B4GALNT3: variants seen among roughly 807,000 people sequenced by gnomAD.
B4GALNT3 encodes the protein beta-1,4-N-acetylgalactosaminyltransferase 3.
In B4GALNT3, 86 loss-of-function variants were observed where a neutral mutation model predicts 120.2. The ratio of observed to expected loss-of-function variants is 0.72; its 90% confidence interval spans 0.60 to 0.86. The LOEUF is 0.86. Ranked by LOEUF, B4GALNT3 falls within the 40% of genes least tolerant of loss-of-function variation. The pLI is 0.00. For missense variants in B4GALNT3, 1,167 were observed against 1,298.9 expected, an observed-to-expected ratio of 0.90 and a Z score of 1.56; for synonymous variants, 518 against 510.4, an observed-to-expected ratio of 1.01 and a Z score of -0.20.
intron 1 of B4GALNT3, among the ~76,000 whole-genome samples, chr12:498,050 T>G (rs1377791850): frequency 1.3e-5 from 2 of 151,980 alleles, no homozygotes; most frequent in African/African-American, 4.8e-5. Context: ...TAAACAAACC[T>G]TCCTCTACTT....
chr12:515,175 T>A lies in B4GALNT3; in HGVS notation c.170-19991T>A, dbSNP rs1286190782. On this transcript the variant is annotated intron_variant, in intron 1 of 19. Transcript: ENST00000266383. ...AATAATAGTACCTACCTCAAAGGGG[T>A]TTTTTTGTTGTTGTCGTTGTTGTTG... Among the ~76,000 whole-genome samples the A allele has an allele frequency of 1.1e-4, 11 of 104,676 alleles. No individual in the cohort carries two copies. In the East Asian group the frequency reaches 1.9e-3, roughly 18 times the overall value. 68.7% of individuals were successfully genotyped at this position (104,676 alleles called of 152,430 possible). A position where few individuals can be genotyped will look rare whatever the true frequency, so the allele number is the denominator to read the frequency against.
chr12:524,486 G>A (rs1249285548), intron 1 of B4GALNT3, among the ~76,000 whole-genome samples: 5 of 152,188 alleles, frequency 3.3e-5, no homozygotes, highest in African/African-American at 7.2e-5. Flanking sequence ...GGGTGGCCGT[G>A]GCTCCTGGCT....
At chr12:541,122 C>T (rs777778782) in intron 3 of B4GALNT3, among the ~76,000 whole-genome samples, 49 of 152,294 alleles carry the variant, frequency 3.2e-4, no homozygotes, top group Non-Finnish European at 2.9e-4. Context: ...GTGAGGACTC[C>T]GTGTGGGGGA....
intron 1 of B4GALNT3, among the ~76,000 whole-genome samples, chr12:493,370 C>T (rs973674306): frequency 7.2e-5 from 11 of 152,160 alleles, no homozygotes. Context: ...AATAAGATAT[C>T]ACTACACACC....
In B4GALNT3 at chr12:549,895, G is replaced by A. The variant is rs775861247; in HGVS notation, c.980G>A (p.Arg327Gln). 1.2e-6 allele frequency: 2 copies of A among 1,612,868 alleles called. No homozygotes were observed. Among genetic ancestry groups the A allele is most frequent in the South Asian group, 2.2e-5 (2 of 90,946 alleles). ...PPADMLRPDP[R>Q]DTLYRVPLIP... The stretch of plus-strand genomic sequence containing the variant: ...GCTGACATGCTTCGGCCTGACCCCC[G>A]GGACACCCTCTATCGAGGTAAGGCC... The change falls in exon 10 of 20, where the codon CGG becomes CAG. Residue 327 changes from arginine to glutamine, a missense_variant. Transcript: ENST00000266383.
intron 1 of B4GALNT3, among the ~76,000 whole-genome samples, chr12:485,718 T>C (rs1045638213): frequency 6.6e-6 from 1 of 152,236 alleles, no homozygotes; most frequent in African/African-American, 2.4e-5. Context: ...CATTTTATTA[T>C]ATATAAATTA....
intron 1 of B4GALNT3, among the ~76,000 whole-genome samples, chr12:497,481 A>G (rs751505258): frequency 1.4e-4 from 22 of 152,292 alleles, no homozygotes; most frequent in Non-Finnish European, 2.9e-4. Flanking sequence ...ATTCCATTGT[A>G]TGGATATGCC....
intron 1 of B4GALNT3, among the ~76,000 whole-genome samples, chr12:494,103 C>T (rs1721385673): frequency 6.6e-6 from 1 of 151,978 alleles, no homozygotes; most frequent in South Asian, 2.1e-4. Flanking sequence ...AACCCCATCT[C>T]TACAAAAAAT....
At chr12:502,584 A>G (rs1353788436) in intron 1 of B4GALNT3, among the ~76,000 whole-genome samples, 1 of 152,076 alleles carries the variant, frequency 6.6e-6, no homozygotes, top group African/African-American at 2.4e-5. Context: ...TGTTAAGAGA[A>G]AGACTGAGGA....
intron 11 of B4GALNT3, 54 bp downstream of exon 11, chr12:551,085 T>C: frequency 7.0e-7 from 1 of 1,425,414 alleles, no homozygotes; most frequent in Non-Finnish European, 9.8e-7. Context: ...GATTGCTGCC[T>C]GTGACTGGGA....
intron 14 of B4GALNT3, among the ~76,000 whole-genome samples, chr12:555,971 G>C (rs1046039466): frequency 2.6e-5 from 4 of 151,460 alleles, no homozygotes; most frequent in Admixed American, 6.6e-5. Context: ...TTTTAGTAGA[G>C]ACAGGGTTTC....
intron 1 of B4GALNT3, among the ~76,000 whole-genome samples, chr12:461,200 C>G (rs1946019701): frequency 7.3e-6 from 1 of 136,424 alleles, no homozygotes; most frequent in Non-Finnish European, 1.6e-5. Context: ...CGGGCCGCCC[C>G]TTCTGCCACT....
chr12:547,602 G>A (rs552766447), intron 7 of B4GALNT3, among the ~76,000 whole-genome samples: 1 of 152,294 alleles, frequency 6.6e-6, no homozygotes, highest in South Asian at 2.1e-4. Context: ...GTGGTCCCTG[G>A]GGCAAGTCGG....
At chr12:483,070 G>C (rs547897073) in intron 1 of B4GALNT3, among the ~76,000 whole-genome samples, 29 of 152,000 alleles carry the variant, frequency 1.9e-4, no homozygotes, top group African/African-American at 6.8e-4. Flanking sequence ...ACCTCATCCA[G>C]CTAATTTTTT....
intron 1 of B4GALNT3, among the ~76,000 whole-genome samples, chr12:511,674 C>T (rs1363306267): frequency 6.8e-6 from 1 of 148,068 alleles, no homozygotes; most frequent in Non-Finnish European, 1.5e-5. Flanking sequence ...CACCTTCCGC[C>T]TTCCGCCTTC....
At chr12:466,638 G>A (rs1470620933) in intron 1 of B4GALNT3, among the ~76,000 whole-genome samples, 1 of 152,178 alleles carries the variant, frequency 6.6e-6, no homozygotes, top group Admixed American at 6.5e-5. Flanking sequence ...TGTATATTCT[G>A]AGCAAAGTGT....
At chr12:554,543 C>T (rs1274834755) in intron 14 of B4GALNT3, among the ~76,000 whole-genome samples, 1 of 152,110 alleles carries the variant, frequency 6.6e-6, no homozygotes, top group Non-Finnish European at 1.5e-5. Context: ...GTAATCCCAG[C>T]ACTTTGGGAG....
chr12:556,789 G>A lies in B4GALNT3; in HGVS notation c.2303G>A (p.Arg768Gln), dbSNP rs11063570. The A allele has an allele frequency of 0.01, 16,677 of 1,613,712 alleles. 1,358 individuals carry two copies. In the African/African-American group the frequency reaches 0.18, roughly 18 times the overall value. ...CGTAGGAGACAGGTCCTGAATACCC[G>A]GGCCCAAGAGCCCAAGCTGTGCTGG... ...HNRRRQVLNT[R>Q]AQEPKLCWPQ... Residue 768 changes from arginine to glutamine, a missense_variant, in exon 15 of 20, where the codon CGG becomes CAG. Arg to Gln is a conservative substitution (Grantham distance 43). This residue lies in a region of B4GALNT3 where 983 missense variants were observed against 1,102.5 expected (regional missense o/e 0.89). Transcript: ENST00000266383.
At chr12:471,116 C>T (rs1002328952) in intron 1 of B4GALNT3, among the ~76,000 whole-genome samples, 5 of 151,208 alleles carry the variant, frequency 3.3e-5, no homozygotes, top group East Asian at 2.0e-4. Flanking sequence ...TGGCTGGGCG[C>T]GGTGGCTCAC....
Sources: gnomAD v4.1 joint callset for allele counts (sites outside exome capture counted in the v4.1 genomes callset) on GRCh38, gnomAD v4.1.1 for gene constraint, gnomAD v4.1.1 regional missense constraint, MANE v1.5 for transcripts, NCBI Gene and HGNC (gene_info 2026-07-23, HGNC 2026-07-21) for gene names.